TMEM132D: variants seen among roughly 807,000 people sequenced by gnomAD.
TMEM132D encodes mature OL transmembrane protein.
TMEM132D carries 21 observed loss-of-function variants against 62.3 expected under a neutral mutation model. The observed-to-expected ratio is 0.34, with a 90% CI of 0.24 to 0.49. The LOEUF is 0.49. TMEM132D is among the 20% of genes least tolerant of loss of function. The pLI is 0.99. For synonymous variants in TMEM132D, 621 were observed against 575.6 expected (o/e 1.08, Z -1.13); for missense variants, 1,346 against 1,402.8 (o/e 0.96, Z 0.65).
rs564088693 is a variant in TMEM132D, at chr12:129,289,558, A to G, written c.1299+48076T>C. Among the ~76,000 whole-genome samples, 15 of 148,366 alleles carry G rather than the reference A, an allele frequency of 1.0e-4. No homozygotes were observed. The South Asian group carries it at 2.6e-3, about 26-fold the overall frequency. On this transcript the variant is annotated intron_variant, in intron 4 of 8. Coordinates refer to ENST00000422113, the MANE Select transcript of TMEM132D (RefSeq NM_133448.3). Reference sequence around the variant, plus strand: ...AAATTCCATCTCAATAAAAAAAAAAAAAAAAAGAAAAAAAAGAAAAAGAAA... The same window carrying G: ...AAATTCCATCTCAATAAAAAAAAAAGAAAAAAGAAAAAAAAGAAAAAGAAA...
intron 3 of TMEM132D, among the ~76,000 whole-genome samples, chr12:129,501,010 C>G (rs1196100756): frequency 2.0e-5 from 2 of 102,238 alleles, no homozygotes; most frequent in Non-Finnish European, 3.8e-5. Context: ...TGTCTTTAGT[C>G]TCCCCTGTAA....
intron 2 of TMEM132D, among the ~76,000 whole-genome samples, chr12:129,571,929 T>C (rs967084571): frequency 1.3e-5 from 2 of 152,142 alleles, no homozygotes; most frequent in African/African-American, 4.8e-5. Context: ...GGGTAAATGC[T>C]TGCTAGTGGG....
At chr12:129,623,533 G>A (rs1472488511) in intron 2 of TMEM132D, among the ~76,000 whole-genome samples, 1 of 151,848 alleles carries the variant, frequency 6.6e-6, no homozygotes, top group Non-Finnish European at 1.5e-5. Context: ...GTGGTACTTG[G>A]TTTTCCATTC....
intron 3 of TMEM132D, among the ~76,000 whole-genome samples, chr12:129,471,651 T>C (rs1311162709): frequency 6.6e-6 from 1 of 152,174 alleles, no homozygotes; most frequent in Non-Finnish European, 1.5e-5. Context: ...TTAACCTTCA[T>C]GAGGAAGGCA....
chr12:129,538,370 A>C (rs1027204671), intron 2 of TMEM132D, among the ~76,000 whole-genome samples: 1 of 152,176 alleles, frequency 6.6e-6, no homozygotes, highest in Admixed American at 6.5e-5. Flanking sequence ...GGCTAACCCC[A>C]GGAGGCTTTA....
At chr12:129,496,034 G>A (rs1874945247) in intron 3 of TMEM132D, among the ~76,000 whole-genome samples, 3 of 152,150 alleles carry the variant, frequency 2.0e-5, no homozygotes, top group Non-Finnish European at 4.4e-5. Flanking sequence ...ACCCTTTTTT[G>A]TGGTGGGAAG....
In TMEM132D at chr12:129,680,543, T is replaced by G. The variant is rs987844622; in HGVS notation, c.968+19267A>C. 3.3e-5 allele frequency among the ~76,000 whole-genome samples: 5 copies of G among 152,160 alleles called. No homozygotes were observed. The South Asian group carries it at 8.3e-4, about 25-fold the overall frequency. On this transcript the variant is annotated intron_variant, in intron 2 of 8. Coordinates refer to ENST00000422113, the MANE Select transcript of TMEM132D (RefSeq NM_133448.3). Reference sequence around the variant, plus strand: ...CATCTGCCTTTGATCGCAGCTGGGATTGACACAATGACAAGCCCAGTGATT... The same window carrying G: ...CATCTGCCTTTGATCGCAGCTGGGAGTGACACAATGACAAGCCCAGTGATT...
chr12:129,292,295 T>C (rs1881467306), intron 4 of TMEM132D, among the ~76,000 whole-genome samples: 1 of 152,196 alleles, frequency 6.6e-6, no homozygotes. Flanking sequence ...GTAGTCCTAA[T>C]GTGGTCAGCA....
Position 129,310,480 on chromosome 12 carries a change from C to T in TMEM132D, c.1299+27154G>A, listed in dbSNP as rs76996843. The stretch of plus-strand genomic sequence containing the variant: ...CAAGGGGACCTTGCAGAGAGAGAAC[C>T]GGAAAGGAAAGTACTGTGACCTCAC... On this transcript the variant is annotated intron_variant, in intron 4 of 8. Coordinates refer to ENST00000422113, the MANE Select transcript of TMEM132D (RefSeq NM_133448.3). Among the ~76,000 whole-genome samples the T allele has an allele frequency of 3.8e-3, 577 of 152,268 alleles. 2 individuals carry two copies. Among genetic ancestry groups the T allele is most frequent in the African/African-American group, 9.4e-3 (390 of 41,546 alleles).
chr12:129,451,335 G>T (rs982719423), intron 3 of TMEM132D, among the ~76,000 whole-genome samples: 1 of 152,274 alleles, frequency 6.6e-6, no homozygotes, highest in South Asian at 2.1e-4. Flanking sequence ...TAGATGAGTC[G>T]CTAAAGCCTA....
chr12:129,451,058 G>T (rs12314362), intron 3 of TMEM132D, among the ~76,000 whole-genome samples: 1 of 152,006 alleles, frequency 6.6e-6, no homozygotes, highest in Non-Finnish European at 1.5e-5. Flanking sequence ...CACCGCGCCC[G>T]GCCAATTTTC....
chr12:129,126,854 C>G (rs1337012653), intron 5 of TMEM132D, among the ~76,000 whole-genome samples: 1 of 152,162 alleles, frequency 6.6e-6, no homozygotes, highest in Non-Finnish European at 1.5e-5. Flanking sequence ...GCCCAGTTCT[C>G]CATGAAGGGA....
rs1228191159 is a variant in TMEM132D at position 129,867,493 on chromosome 12, A to G, written c.79+35768T>C. On this transcript the variant is annotated intron_variant, in intron 1 of 8. Transcript: ENST00000422113. This position sits in a 1 kb window ranked among gnomAD's most constrained non-coding sequence, Gnocchi z 4.5. Reference sequence around the variant, plus strand: ...GATGAAAAAGGGAAAACCTTCTATTATGCCAGATGAGCAAGTTCTAGAGTT... The same window carrying G: ...GATGAAAAAGGGAAAACCTTCTATTGTGCCAGATGAGCAAGTTCTAGAGTT... Among the ~76,000 whole-genome samples the G allele has an allele frequency of 6.6e-6, 1 of 152,236 alleles. No individual in the cohort carries two copies. Among genetic ancestry groups the G allele is most frequent in the Admixed American group, 6.5e-5 (1 of 15,288 alleles).
At position 129,073,893 on chromosome 12, in the gene TMEM132D, CCT is replaced by C; in HGVS notation, c.3280_3281del (p.Arg1094ValfsTer3). ...DCKELHNYME[R>X]LHENV The stretch of plus-strand genomic sequence containing the variant: ...GTCTGGCTTACACATTTTCATGTAA[CCT>C]CTCCATGTAGTTGTGCAGCTCTTTG... On this transcript the variant is annotated frameshift_variant, in exon 9 of 9. Coordinates refer to ENST00000422113, the MANE Select transcript of TMEM132D (RefSeq NM_133448.3). LOFTEE classifies it high-confidence loss of function. The C allele has an allele frequency of 6.5e-7, 1 of 1,541,292 alleles. No homozygotes were observed. Among genetic ancestry groups the C allele is most frequent in the Non-Finnish European group, 8.7e-7 (1 of 1,146,254 alleles).
intron 5 of TMEM132D, among the ~76,000 whole-genome samples, chr12:129,134,214 G>A (rs778945556): frequency 6.6e-6 from 1 of 151,778 alleles, no homozygotes; most frequent in Non-Finnish European, 1.5e-5. Flanking sequence ...GTGTGTGCGT[G>A]TAAACTAGTT....
chr12:129,493,926 CTG>C (rs1433875071), intron 3 of TMEM132D, among the ~76,000 whole-genome samples: 2 of 152,196 alleles, frequency 1.3e-5, no homozygotes, highest in Non-Finnish European at 2.9e-5. Context: ...GAAGCTCAAA[CTG>C]TGCTGTGTTG....
At chr12:129,511,125 A>G (rs1394092793) in intron 3 of TMEM132D, among the ~76,000 whole-genome samples, 2 of 152,224 alleles carry the variant, frequency 1.3e-5, no homozygotes, top group Admixed American at 1.3e-4. Flanking sequence ...ATACATCATA[A>G]TAGTGATATA....
rs144109632 is a variant in TMEM132D at position 129,675,372 on chromosome 12, G to T, written c.968+24438C>A. On this transcript the variant is annotated intron_variant, in intron 2 of 8. Transcript: ENST00000422113. ...GGAACATCACACACCGGGGCCTGTC[G>T]GGGGGTGGGGGGCAAGGGGAGGGAG... is the stretch of plus-strand genomic sequence containing the variant. Among the ~76,000 whole-genome samples the T allele has an allele frequency of 3.8e-3, 570 of 151,860 alleles. 20 individuals carry two copies. In the East Asian group the frequency reaches 0.064, roughly 17 times the overall value.
chr12:129,566,097 G>C (rs898771818), intron 2 of TMEM132D, among the ~76,000 whole-genome samples: 8 of 152,140 alleles, frequency 5.3e-5, no homozygotes, highest in Non-Finnish European at 1.0e-4. Context: ...GTTTTTCAGG[G>C]AACACCATTT....
Sources: gnomAD v4.1 joint callset for allele counts (sites outside exome capture counted in the v4.1 genomes callset) on GRCh38, gnomAD v4.1.1 for gene constraint, Gnocchi (gnomAD v3.1) non-coding constraint, MANE v1.5 for transcripts, NCBI Gene and HGNC (gene_info 2026-07-23, HGNC 2026-07-21) for gene names.